Variants in TGIF1 observed in about 807,000 individuals in gnomAD.
TGIF1 encodes the protein homeobox protein TGIF1.
In TGIF1, 4 loss-of-function variants were observed where a neutral mutation model predicts 19.3. The ratio of observed to expected loss-of-function variants is 0.21; its 90% CI spans 0.10 to 0.47. TGIF1 has a LOEUF of 0.47. Among genes scored for constraint, TGIF1 ranks in the 20% least tolerant of loss-of-function variants. The probability of loss-of-function intolerance (pLI) is 0.98; values close to 1 mark genes in which losing one functional copy is unlikely to be tolerated. For missense variants in TGIF1, 275 were observed against 341.4 expected (o/e 0.81, Z 1.53); for synonymous variants, 122 against 129.3 (o/e 0.94, Z 0.38).
At chr18:3,449,198 T>C (rs772415735), upstream of TGIF1, among the ~76,000 whole-genome samples, 9 of 152,194 alleles carry the variant, frequency 5.9e-5, no homozygotes, top group Non-Finnish European at 1.0e-4. Context: ...GTTTACTTAA[T>C]GGCTAGTTTC....
chr18:3,457,661 A>T lies in TGIF1; in HGVS notation c.540A>T (p.Ala180=), dbSNP rs773196379. 1.2e-6 allele frequency: 2 copies of T among 1,614,090 alleles called. No homozygotes were observed. Among genetic ancestry groups the T allele is most frequent in the South Asian group, 2.2e-5 (2 of 91,090 alleles). ...PSVICHTTVT[A]LKDVPFSLCQ... ...TGATCTGCCATACCACTGTGACTGC[A>T]TTGAAAGATGTCCCTTTCTCTCTCT... The change falls in exon 3 of 3, where the codon GCA becomes GCT. Residue 180 remains alanine, a synonymous_variant. Coordinates refer to ENST00000343820, the MANE Select transcript of TGIF1 (RefSeq NM_003244.4). The surrounding 1 kb of genome is among the most constrained non-coding windows in gnomAD (Gnocchi z 4.9).
At chr18:3,448,715 GTCTTTTTT>G (rs1568043950), upstream of TGIF1, 1,703 of 431,866 alleles carry the variant, frequency 3.9e-3, 17 homozygotes, top group Non-Finnish European at 4.5e-3. Context: ...GGGCGGGGGT[GTCTTTTTT>G]TTTTTTTTTT....
chr18:3,456,200 T>C lies in TGIF1; in HGVS notation c.17-154T>C, dbSNP rs971127716. 4.9e-6 allele frequency: 4 copies of C among 816,216 alleles called. No individual in the cohort carries two copies. The highest frequency in any genetic ancestry group is 8.5e-6 in the Non-Finnish European group (4 of 469,564). 50.6% of individuals were successfully genotyped at this position (816,216 alleles called of 1,614,324 possible). A position where few individuals can be genotyped will look rare whatever the true frequency, so the allele number is the denominator to read the frequency against. ...TGGTGCTAGTCAAACTACTTTTACT[T>C]GGACCCTGAATTCAGGACAGAAAAC... On this transcript the variant is annotated intron_variant, in intron 1 of 2. Transcript: ENST00000343820. The surrounding 1 kb of genome is among the most constrained non-coding windows in gnomAD (Gnocchi z 4.2).
upstream of TGIF1, chr18:3,450,159 C>T (rs2082857163): frequency 1.6e-6 from 2 of 1,264,600 alleles, no homozygotes; most frequent in Admixed American, 3.6e-5. Flanking sequence ...TACCTTCCCT[C>T]CTCGCCTCTC....
intron 2 of TGIF1, among the ~76,000 whole-genome samples, chr18:3,422,662 A>G (rs1177075362): frequency 2.3e-5 from 3 of 129,098 alleles, no homozygotes; most frequent in South Asian, 2.6e-4. Context: ...TAAGTGCCCT[A>G]TATAGGTGGC....
Position 3,454,935 on chromosome 18 carries a change from A to G in TGIF1, c.17-1419A>G, listed in dbSNP as rs376226691. Among the ~76,000 whole-genome samples the G allele has an allele frequency of 4.6e-5, 7 of 152,326 alleles. No homozygotes were observed. In the East Asian group the frequency reaches 1.2e-3, roughly 25 times the overall value. ...AAGTCAGAGTCATTAAAAGGGTGGG[A>G]AAAATTCCTTTAAAAAACACGGTGT... On this transcript the variant is annotated intron_variant, in intron 1 of 2. Transcript: ENST00000343820.
rs1318742436 is a variant in TGIF1, at chr18:3,456,364, A to G, written c.27A>G (p.Ala9=). 6.2e-7 allele frequency: 1 copy of G among 1,614,118 alleles called. No individual in the cohort carries two copies. Among genetic ancestry groups the G allele is most frequent in the Non-Finnish European group, 8.5e-7 (1 of 1,180,034 alleles). ...CTTGTCCTTTCCTAGGTATTGTTGC[A>G]GCATCTGGCAGTGAGACTGAGGATG... MKGKKGIV[A]ASGSETEDED... is the part of the protein sequence containing the mutation. Residue 9 remains alanine (A), a synonymous_variant, in exon 2 of 3, where the codon GCA becomes GCG. Coordinates refer to ENST00000343820, the MANE Select transcript of TGIF1 (RefSeq NM_003244.4). This position sits in a 1 kb window ranked among gnomAD's most constrained non-coding sequence, Gnocchi z 4.2.
chr18:3,423,357 GCA>G (rs2082430189), intron 2 of TGIF1, among the ~76,000 whole-genome samples: 1 of 152,006 alleles, frequency 6.6e-6, no homozygotes, highest in East Asian at 1.9e-4. Flanking sequence ...ACCAGCCTGG[GCA>G]ACATAGTGAG....
intron 1 of TGIF1, among the ~76,000 whole-genome samples, chr18:3,454,713 A>T (rs1375728716): frequency 6.6e-6 from 1 of 152,234 alleles, no homozygotes; most frequent in Non-Finnish European, 1.5e-5. Flanking sequence ...GGGAATTTCA[A>T]ATACATGGCA....
At chr18:3,426,916 CTTTTTTTTTTT>C (rs545236407) in intron 2 of TGIF1, among the ~76,000 whole-genome samples, 9 of 100,088 alleles carry the variant, frequency 9.0e-5, no homozygotes, top group African/African-American at 1.2e-4. Context: ...AGGATGATCT[CTTTTTTTTTTT>C]TTTTTTTTTT....
At chr18:3,413,949 C>G (rs1245824954) in intron 1 of TGIF1, among the ~76,000 whole-genome samples, 1 of 152,162 alleles carries the variant, frequency 6.6e-6, no homozygotes, top group African/African-American at 2.4e-5. Context: ...CTCAGCAAAT[C>G]TTCACAATAA....
intron 2 of TGIF1, among the ~76,000 whole-genome samples, chr18:3,419,037 G>A (rs934086285): frequency 2.6e-5 from 4 of 152,080 alleles, no homozygotes; most frequent in Non-Finnish European, 4.4e-5. Flanking sequence ...CAGCTTGGGT[G>A]ACAAGAGCAA....
intron 2 of TGIF1, among the ~76,000 whole-genome samples, chr18:3,425,132 A>AC (rs1480730529): frequency 3.9e-5 from 6 of 152,182 alleles, no homozygotes; most frequent in Admixed American, 3.9e-4. Flanking sequence ...GTTTGATGCT[A>AC]CCTTCAGGTA....
At chr18:3,447,831 A>AT, upstream of TGIF1, 1 of 1,612,864 alleles carries the variant, frequency 6.2e-7, no homozygotes, top group East Asian at 2.2e-5. Flanking sequence ...CCTCCCCCTA[A>AT]TTCGAAAGAG....
At chr18:3,447,621 G>T (rs2082765447), upstream of TGIF1, 1 of 1,126,376 alleles carries the variant, frequency 8.9e-7, no homozygotes, top group Non-Finnish European at 1.3e-6. Context: ...GCGTTGGCTG[G>T]GGGGAGGCAG....
chr18:3,417,839 C>T (rs1375113189), intron 1 of TGIF1, among the ~76,000 whole-genome samples: 1 of 152,086 alleles, frequency 6.6e-6, no homozygotes, highest in Admixed American at 6.6e-5. Flanking sequence ...TGGCTCATGC[C>T]TGTAACCCTA....
At chr18:3,449,605 G>A (rs568712155), upstream of TGIF1, 12 of 984,572 alleles carry the variant, frequency 1.2e-5, no homozygotes, top group African/African-American at 1.8e-4. Flanking sequence ...GGAGGAGAAG[G>A]GTGCGCCGCG....
Position 3,456,928 on chromosome 18 carries a change from G to A in TGIF1, c.243+348G>A. 1 of 590,156 alleles carries A rather than the reference G, an allele frequency of 1.7e-6. No individual in the cohort carries two copies. Among genetic ancestry groups the A allele is most frequent in the South Asian group, 2.1e-5 (1 of 46,794 alleles). The allele number at this position is 590,156 out of a possible 1,614,324, so 36.6% of individuals were successfully genotyped here. A position where few individuals can be genotyped will look rare whatever the true frequency, so the allele number is the denominator to read the frequency against. On this transcript the variant is annotated intron_variant, in intron 2 of 2. Transcript: ENST00000343820. The surrounding 1 kb of genome is among the most constrained non-coding windows in gnomAD (Gnocchi z 4.2). ...AATTCATGTTATGTCTGTTGACACA[G>A]TCATTTGAACTGGGAAAAATCAGTT...
intron 2 of TGIF1, chr18:3,418,792 T>C (rs1319671785): frequency 6.6e-6 from 1 of 152,272 alleles, no homozygotes; most frequent in African/African-American, 2.4e-5. Flanking sequence ...GCGTGGTGGC[T>C]CACGCCTGTA....
Sources: gnomAD v4.1 joint callset for allele counts (sites outside exome capture counted in the v4.1 genomes callset) on GRCh38, gnomAD v4.1.1 for gene constraint, Gnocchi (gnomAD v3.1) non-coding constraint, MANE v1.5 for transcripts, NCBI Gene and HGNC (gene_info 2026-07-23, HGNC 2026-07-21) for gene names.